Variants in FAT3 observed in about 807,000 individuals in gnomAD.
The protein encoded by FAT3 is FAT atypical cadherin 3.
FAT3 carries 95 observed loss-of-function variants against 310.2 expected under a neutral mutation model. The ratio of observed to expected loss-of-function variants is 0.31; its 90% CI spans 0.26 to 0.36. The LOEUF is 0.36. FAT3 is among the 10% of genes least tolerant of loss of function. The pLI, the probability that FAT3 is intolerant of heterozygous loss-of-function variation, is 1.00. For missense variants in FAT3, 5,408 were observed against 5,715.6 expected (o/e 0.95, Z 1.74); for synonymous variants, 2,314 against 2,192.9 (o/e 1.06, Z -1.54).
chr11:92,664,018 C>A (rs1027951885), intron 3 of FAT3, among the ~76,000 whole-genome samples: 5 of 152,178 alleles, frequency 3.3e-5, no homozygotes, highest in African/African-American at 1.2e-4. Flanking sequence ...CACGACCCAC[C>A]CTCCCCCAAA....
chr11:92,424,096 GT>G (rs1225880517), intron 2 of FAT3, among the ~76,000 whole-genome samples: 2 of 151,960 alleles, frequency 1.3e-5, no homozygotes. Flanking sequence ...GCTTTGTTTT[GT>G]TTTTTTATTG....
intron 13 of FAT3, among the ~76,000 whole-genome samples, chr11:92,826,965 T>G (rs1038838235): frequency 1.3e-5 from 2 of 152,208 alleles, no homozygotes; most frequent in African/African-American, 4.8e-5. Context: ...GAAAATACTT[T>G]TTAAAGACCA....
At chr11:92,885,543 C>G (rs961067028) in intron 24 of FAT3, among the ~76,000 whole-genome samples, 1 of 152,154 alleles carries the variant, frequency 6.6e-6, no homozygotes, top group Non-Finnish European at 1.5e-5. Context: ...GATTGTCTTT[C>G]TGTAGACACA....
intron 22 of FAT3, among the ~76,000 whole-genome samples, chr11:92,869,339 G>A (rs1260715742): frequency 1.3e-5 from 2 of 152,186 alleles, no homozygotes; most frequent in Non-Finnish European, 2.9e-5. Context: ...TGTCCCAGGT[G>A]GGGAAATTTG....
chr11:92,778,274 C>T (rs10765561), intron 7 of FAT3, among the ~76,000 whole-genome samples: 62,962 of 151,914 alleles, frequency 0.41, 14,908 homozygotes, highest in South Asian at 0.63. Context: ...TTTTTTAGTG[C>T]TTGCCATGTC....
chr11:92,816,869 G>A (rs1030996200), intron 13 of FAT3, among the ~76,000 whole-genome samples: 5 of 152,034 alleles, frequency 3.3e-5, no homozygotes, highest in Non-Finnish European at 5.9e-5. Context: ...CCAGCTACTC[G>A]GGAGGCTGAG....
intron 1 of FAT3, among the ~76,000 whole-genome samples, chr11:92,335,623 A>G (rs1316207858): frequency 6.6e-6 from 1 of 152,214 alleles, no homozygotes; most frequent in Non-Finnish European, 1.5e-5. Flanking sequence ...TAAAAAAAGA[A>G]ACATGTAAAA....
intron 6 of FAT3, among the ~76,000 whole-genome samples, chr11:92,772,106 A>T (rs143483087): frequency 3.7e-4 from 57 of 152,302 alleles, no homozygotes; most frequent in African/African-American, 1.3e-3. Context: ...AAAATGATCA[A>T]CATTAGAGGA....
At chr11:92,543,195 TAGGA>T (rs1287467155) in intron 3 of FAT3, among the ~76,000 whole-genome samples, 1 of 151,932 alleles carries the variant, frequency 6.6e-6, no homozygotes. Context: ...AAGGAGAGGA[TAGGA>T]AGAGATTAAT....
chr11:92,247,956 G>T (rs969797587), intron 1 of FAT3, among the ~76,000 whole-genome samples: 2 of 151,592 alleles, frequency 1.3e-5, no homozygotes, highest in African/African-American at 2.4e-5. Flanking sequence ...CTCTAGTCTG[G>T]GTAACACAGC....
At position 92,831,815 on chromosome 11, in the gene FAT3, C is replaced by A. The variant is rs144298396; in HGVS notation, c.9675C>A (p.Thr3225=). The change falls in exon 14 of 28, where the codon ACC becomes ACA. Residue 3225 remains threonine, a synonymous_variant. Coordinates refer to ENST00000525166, the MANE Select transcript of FAT3 (RefSeq NM_001367949.2). ...SLSSLTTVTI[T]VLDINDNPPV... is the part of the protein sequence containing the mutation. ...CCTCTCTCACTACTGTCACCATCAC[C>A]GTTCTGGACATTAATGACAACCCCC... is the stretch of plus-strand genomic sequence containing the variant. 1.9e-6 allele frequency: 3 copies of A among 1,613,560 alleles called. No individual in the cohort carries two copies. In the African/African-American group the frequency reaches 4.0e-5, roughly 22 times the overall value.
chr11:92,693,896 C>T (rs1943865085), intron 3 of FAT3, among the ~76,000 whole-genome samples: 1 of 152,134 alleles, frequency 6.6e-6, no homozygotes, highest in Non-Finnish European at 1.5e-5. Context: ...CATTTCAACC[C>T]TTCTTCATGC....
At chr11:92,375,057 A>C (rs541428303) in intron 2 of FAT3, among the ~76,000 whole-genome samples, 38 of 152,240 alleles carry the variant, frequency 2.5e-4, no homozygotes, top group Non-Finnish European at 3.5e-4. Flanking sequence ...ACACACACAC[A>C]CCATACCTAA....
chr11:92,295,495 G>A (rs934028154), intron 1 of FAT3, among the ~76,000 whole-genome samples: 1 of 151,950 alleles, frequency 6.6e-6, no homozygotes, highest in African/African-American at 2.4e-5. Context: ...ATGGATGCAG[G>A]GTCAAAAATG....
At chr11:92,400,614 T>A (rs1949991823) in intron 2 of FAT3, 1 of 152,016 alleles carries the variant, frequency 6.6e-6, no homozygotes, top group East Asian at 1.9e-4. Flanking sequence ...TAAACAGCGC[T>A]ATGAAGGAGG....
chr11:92,284,336 A>G (rs1946508079), intron 1 of FAT3, among the ~76,000 whole-genome samples: 1 of 151,858 alleles, frequency 6.6e-6, no homozygotes, highest in African/African-American at 2.4e-5. Flanking sequence ...CAATGGGAGA[A>G]AAGTAAATTA....
chr11:92,655,012 T>G (rs906968150), intron 3 of FAT3, among the ~76,000 whole-genome samples: 3 of 152,198 alleles, frequency 2.0e-5, no homozygotes, highest in Non-Finnish European at 2.9e-5. Flanking sequence ...GGGCCTATAA[T>G]GACCTCTTCC....
chr11:92,779,786 G>A (rs768093269), intron 7 of FAT3, among the ~76,000 whole-genome samples: 2 of 152,210 alleles, frequency 1.3e-5, no homozygotes, highest in East Asian at 1.9e-4. Context: ...AGGCCCAGTC[G>A]AATCACATGA....
At chr11:92,421,979 G>A (rs1028385220) in intron 2 of FAT3, among the ~76,000 whole-genome samples, 3 of 152,202 alleles carry the variant, frequency 2.0e-5, no homozygotes, top group Admixed American at 2.0e-4. Flanking sequence ...GAACAAAGTT[G>A]CGAACGCAGG....
Sources: gnomAD v4.1 joint callset for allele counts (sites outside exome capture counted in the v4.1 genomes callset) on GRCh38, gnomAD v4.1.1 for gene constraint, MANE v1.5 for transcripts, NCBI Gene and HGNC (gene_info 2026-07-23, HGNC 2026-07-21) for gene names.